Variants in JAK2 observed in about 807,000 individuals in gnomAD.
The protein encoded by JAK2 is tyrosine-protein kinase JAK2.
A neutral mutation model predicts 139.3 loss-of-function variants in JAK2; 86 were observed. The ratio of observed to expected loss-of-function variants is 0.62; its 90% confidence interval spans 0.52 to 0.74. The LOEUF is 0.74. Among genes scored for constraint, JAK2 ranks in the 30% least tolerant of loss-of-function variants. The pLI, the probability that JAK2 is intolerant of heterozygous loss-of-function variation, is 0.00. For synonymous variants in JAK2, 490 were observed against 437.7 expected (o/e 1.12, Z -1.49); for missense variants, 1,421 against 1,360.3 (o/e 1.04, Z -0.70).
Position 5,054,394 on chromosome 9 carries a change from A to T in JAK2, c.615-169A>T, listed in dbSNP as rs1817619894. On this transcript the variant is annotated intron_variant, in intron 6 of 24. Coordinates refer to ENST00000381652, the MANE Select transcript of JAK2 (RefSeq NM_004972.4). The surrounding 1 kb of genome is among the most constrained non-coding windows in gnomAD (Gnocchi z 4.9). ...ATTTATATCATCAAACAAAATCTTA[A>T]AGTTTTATACTGTATGGATGGGGGT... Among the ~76,000 whole-genome samples, 1 of 151,938 alleles carries T rather than the reference A, an allele frequency of 6.6e-6. No homozygotes were observed. The highest frequency in any genetic ancestry group is 6.6e-5 in the Admixed American group (1 of 15,236).
At chr9:5,080,202 C>T (rs745642873) in intron 16 of JAK2, 27 bp from the exon 17 acceptor site, 2 of 1,561,266 alleles carry the variant, frequency 1.3e-6, no homozygotes, top group African/African-American at 2.7e-5. Flanking sequence ...AATTATTTAA[C>T]CCTACTCTGT....
At chr9:5,014,571 G>A (rs1821924224) in intron 2 of JAK2, among the ~76,000 whole-genome samples, 1 of 152,152 alleles carries the variant, frequency 6.6e-6, no homozygotes, top group Non-Finnish European at 1.5e-5. Context: ...TTGGAGCAGG[G>A]ACTGATGGAG....
chr9:5,085,540 C>T lies in JAK2; in HGVS notation c.2571+3679C>T, dbSNP rs957758749. On this transcript the variant is annotated intron_variant, in intron 19 of 24. Coordinates refer to ENST00000381652, the MANE Select transcript of JAK2 (RefSeq NM_004972.4). Reference sequence around the variant, plus strand: ...ACCACACACCAAATCTTCAATAACTCGGGTTAAAATAGATATAACAGCTGT... The same window carrying T: ...ACCACACACCAAATCTTCAATAACTTGGGTTAAAATAGATATAACAGCTGT... The T allele has an allele frequency of 2.6e-4, 186 of 708,150 alleles. 1 individual carries two copies. In the Admixed American group the frequency reaches 3.3e-3, roughly 12 times the overall value. 43.9% of individuals were successfully genotyped at this position (708,150 alleles called of 1,614,324 possible).
At chr9:5,035,374 C>A (rs1481174337) in intron 4 of JAK2, among the ~76,000 whole-genome samples, 1 of 152,238 alleles carries the variant, frequency 6.6e-6, no homozygotes, top group Admixed American at 6.5e-5. Flanking sequence ...TCCTCCCTAA[C>A]TCATTTTATG....
chr9:5,068,903 G>C (rs904594164), intron 10 of JAK2, 119 bp from the exon 11 acceptor site: 1 of 601,068 alleles, frequency 1.7e-6, no homozygotes, highest in African/African-American at 1.9e-5. Context: ...GCACTACATC[G>C]GATTCATGGT....
rs549580544 is a variant in JAK2, at chr9:5,068,909, A to G, written c.1327-113A>G. On this transcript the variant is annotated intron_variant, in intron 10 of 24. Transcript: ENST00000381652. Reference sequence around the variant, plus strand: ...ACTATACTGGCACTACATCGGATTCATGGTTCAAATGTTTATTCTGTTGCT... The same window carrying G: ...ACTATACTGGCACTACATCGGATTCGTGGTTCAAATGTTTATTCTGTTGCT... The G allele has an allele frequency of 2.4e-5, 15 of 622,308 alleles. No individual in the cohort carries two copies. The East Asian group carries it at 3.7e-4, about 15-fold the overall frequency. 38.5% of individuals were successfully genotyped at this position (622,308 alleles called of 1,614,324 possible).
intron 2 of JAK2, among the ~76,000 whole-genome samples, chr9:4,993,266 A>G (rs1356317127): frequency 6.6e-6 from 1 of 152,202 alleles, no homozygotes; most frequent in Non-Finnish European, 1.5e-5. Context: ...GAAAGGATCT[A>G]TGAGGTACTG....
intron 16 of JAK2, among the ~76,000 whole-genome samples, chr9:5,078,821 A>G (rs944357963): frequency 6.6e-6 from 1 of 152,048 alleles, no homozygotes; most frequent in African/African-American, 2.4e-5. Context: ...ATTTTTTTCT[A>G]TCCTCTGTGA....
intron 4 of JAK2, among the ~76,000 whole-genome samples, chr9:5,035,878 C>T (rs187206889): frequency 6.6e-6 from 1 of 152,276 alleles, no homozygotes; most frequent in African/African-American, 2.4e-5. Context: ...AAGTTCTGGC[C>T]AGGGCAGTCA....
At chr9:5,044,721 A>G (rs1037145199) in intron 5 of JAK2, among the ~76,000 whole-genome samples, 2 of 152,068 alleles carry the variant, frequency 1.3e-5, no homozygotes, top group Admixed American at 1.3e-4. Flanking sequence ...TCTATTTTAT[A>G]AAGTTTTTTT....
intron 4 of JAK2, chr9:5,042,075 A>C (rs1816592385): frequency 4.5e-6 from 1 of 220,426 alleles, no homozygotes. Flanking sequence ...CGGCGGCCCC[A>C]TCCCCGGGAC....
chr9:5,057,803 G>A (rs919630916), intron 8 of JAK2, among the ~76,000 whole-genome samples: 1 of 151,810 alleles, frequency 6.6e-6, no homozygotes, highest in Admixed American at 6.6e-5. Context: ...GGTTGGTCTT[G>A]AAGTCCTGAC....
rs537669733 is a variant in JAK2, at chr9:5,114,932, AAAAC to A, written c.3060-8050_3060-8047del. 5.9e-3 allele frequency: 1,051 copies of A among 178,180 alleles called. 12 individuals carry two copies. The highest frequency in any genetic ancestry group is 0.02 in the African/African-American group (829 of 41,834). 11.0% of individuals were successfully genotyped at this position (178,180 alleles called of 1,614,324 possible). On this transcript the variant is annotated intron_variant, in intron 22 of 24. Coordinates refer to ENST00000381652, the MANE Select transcript of JAK2 (RefSeq NM_004972.4). ...CCCCCAATAAACAGTGCCTGCTCAG[AAAAC>A]AAACAAACAAACAAACAAACATAAA...
chr9:5,126,973 C>G lies in JAK2; in HGVS notation c.*182C>G, dbSNP rs1045658504. ...AGTAAGTTTTTCTTCATGAGGCCAC[C>G]AGTAAAAGACATTAATGAGAATTCC... is the stretch of plus-strand genomic sequence containing the variant. On this transcript the variant is annotated 3_prime_UTR_variant, in exon 25 of 25. Transcript: ENST00000381652. The G allele has an allele frequency of 2.8e-6, 1 of 360,890 alleles. No homozygotes were observed. The highest frequency in any genetic ancestry group is 2.1e-5 in the African/African-American group (1 of 47,514). 22.4% of individuals were successfully genotyped at this position (360,890 alleles called of 1,614,324 possible). A position where few individuals can be genotyped will look rare whatever the true frequency, so the allele number is the denominator to read the frequency against.
Position 5,052,673 on chromosome 9 carries a change from A to G in JAK2, c.614+1842A>G, listed in dbSNP as rs73393470. Among the ~76,000 whole-genome samples, 914 of 152,196 alleles carry G rather than the reference A, an allele frequency of 6.0e-3. 14 individuals are homozygous for G. Among genetic ancestry groups the G allele is most frequent in the African/African-American group, 0.021 (874 of 41,564 alleles). Reference sequence around the variant, plus strand: ...TCCCACTTTCCCCCAGCCTCTGGAAACCACTTATCTTTTTGTTTGCGTGGA... The same window carrying G: ...TCCCACTTTCCCCCAGCCTCTGGAAGCCACTTATCTTTTTGTTTGCGTGGA... On this transcript the variant is annotated intron_variant, in intron 6 of 24. Transcript: ENST00000381652.
At chr9:5,067,945 A>G (rs145624785) in intron 10 of JAK2, among the ~76,000 whole-genome samples, 10 of 152,270 alleles carry the variant, frequency 6.6e-5, no homozygotes, top group Non-Finnish European at 1.3e-4. Context: ...CGAGGTCAAG[A>G]GATTGAGACC....
chr9:5,035,041 A>G (rs1028378897), intron 4 of JAK2, among the ~76,000 whole-genome samples: 3 of 152,392 alleles, frequency 2.0e-5, no homozygotes, highest in Non-Finnish European at 4.4e-5. Flanking sequence ...ATAAAAAATG[A>G]TAAAGGGGAT....
rs898712990 is a variant in JAK2 at position 5,044,323 on chromosome 9, G to A, written c.351-80G>A. 10 of 825,788 alleles carry A rather than the reference G, an allele frequency of 1.2e-5. No individual in the cohort carries two copies. The African/African-American group carries it at 1.5e-4, about 13-fold the overall frequency. 51.2% of individuals were successfully genotyped at this position (825,788 alleles called of 1,614,324 possible). On this transcript the variant is annotated intron_variant, in intron 4 of 24. Coordinates refer to ENST00000381652, the MANE Select transcript of JAK2 (RefSeq NM_004972.4). ...AGTATGGGATAATACCTTTCAGTAT[G>A]CTGTAGGTGACTATATATAGATAGT...
intron 19 of JAK2, chr9:5,085,353 G>T: frequency 1.1e-6 from 1 of 892,590 alleles, no homozygotes; most frequent in Non-Finnish European, 1.9e-6. Flanking sequence ...CATTTTTTCC[G>T]TACTGATAGG....
Sources: gnomAD v4.1 joint callset for allele counts (sites outside exome capture counted in the v4.1 genomes callset) on GRCh38, gnomAD v4.1.1 for gene constraint, Gnocchi (gnomAD v3.1) non-coding constraint, MANE v1.5 for transcripts, NCBI Gene and HGNC (gene_info 2026-07-23, HGNC 2026-07-21) for gene names.